The following CNTN1 variants were observed in gnomAD, a reference collection of about 807,000 sequenced individuals.
CNTN1 encodes the protein contactin-1.
In CNTN1, 38 loss-of-function variants were observed where a neutral mutation model predicts 126.4. The observed-to-expected ratio is 0.30, with a 90% CI of 0.23 to 0.39. The LOEUF is 0.39. Ranked by LOEUF, CNTN1 falls within the 10% of genes least tolerant of loss-of-function variation. The pLI is 1.00. For synonymous variants in CNTN1, 413 were observed against 422.6 expected, an observed-to-expected ratio of 0.98 and a Z score of 0.28; for missense variants, 1,009 against 1,248.4, an observed-to-expected ratio of 0.81 and a Z score of 2.89.
At chr12:40,779,360 C>T (rs1028810169) in intron 1 of CNTN1, among the ~76,000 whole-genome samples, 1 of 151,744 alleles carries the variant, frequency 6.6e-6, no homozygotes, top group Non-Finnish European at 1.5e-5. Context: ...CCTTACTCAC[C>T]TTTTTCCACT....
At chr12:40,981,713 C>T (rs953009324) in intron 16 of CNTN1, among the ~76,000 whole-genome samples, 6 of 152,048 alleles carry the variant, frequency 3.9e-5, no homozygotes, top group African/African-American at 1.4e-4. Flanking sequence ...TACAATATCA[C>T]ACATTAATAC....
At chr12:40,993,710 C>T (rs1948148324) in intron 17 of CNTN1, among the ~76,000 whole-genome samples, 1 of 152,042 alleles carries the variant, frequency 6.6e-6, no homozygotes, top group African/African-American at 2.4e-5. Context: ...AACTGAATGG[C>T]CAAGTCGGTG....
chr12:40,974,045 T>C (rs1182634031), intron 15 of CNTN1, among the ~76,000 whole-genome samples: 2 of 152,198 alleles, frequency 1.3e-5, no homozygotes, highest in Non-Finnish European at 2.9e-5. Context: ...TGAATGTTAC[T>C]ACATTTTTAA....
At chr12:40,894,207 C>T (rs186953597) in intron 1 of CNTN1, among the ~76,000 whole-genome samples, 1 of 152,172 alleles carries the variant, frequency 6.6e-6, no homozygotes, top group Non-Finnish European at 1.5e-5. Flanking sequence ...TATATAACAG[C>T]TTCTTCATTT....
chr12:40,834,702 A>G (rs1941981715), intron 1 of CNTN1, among the ~76,000 whole-genome samples: 1 of 152,214 alleles, frequency 6.6e-6, no homozygotes, highest in Non-Finnish European at 1.5e-5. Context: ...CGACAAGAAC[A>G]ATAGAAAACA....
chr12:40,852,190 A>G (rs1451788864), intron 1 of CNTN1, among the ~76,000 whole-genome samples: 1 of 152,204 alleles, frequency 6.6e-6, no homozygotes, highest in Admixed American at 6.5e-5. Context: ...AAGAAAAAGA[A>G]TAATAATAAT....
intron 1 of CNTN1, among the ~76,000 whole-genome samples, chr12:40,781,789 T>C (rs1939815981): frequency 6.6e-6 from 1 of 152,046 alleles, no homozygotes; most frequent in South Asian, 2.1e-4. Context: ...AATTGTTCTC[T>C]ATTATAGTCA....
At chr12:40,995,368 A>G (rs867581223) in intron 17 of CNTN1, among the ~76,000 whole-genome samples, 1 of 152,150 alleles carries the variant, frequency 6.6e-6, no homozygotes. Flanking sequence ...GAAGTTTGGC[A>G]AGTCCTAGTC....
chr12:40,910,491 T>G (rs1188179106), intron 3 of CNTN1, among the ~76,000 whole-genome samples: 1 of 152,212 alleles, frequency 6.6e-6, no homozygotes, highest in East Asian at 1.9e-4. Flanking sequence ...ATTGGAATCT[T>G]AAGATTCAGT....
At chr12:40,988,906 C>A (rs1160622405) in intron 16 of CNTN1, among the ~76,000 whole-genome samples, 2 of 152,134 alleles carry the variant, frequency 1.3e-5, no homozygotes, top group East Asian at 3.8e-4. Context: ...AACTGTATTG[C>A]CTGACTCAGA....
intron 1 of CNTN1, among the ~76,000 whole-genome samples, chr12:40,694,153 C>A (rs1941384447): frequency 1.3e-5 from 2 of 152,136 alleles, no homozygotes; most frequent in Non-Finnish European, 2.9e-5. Flanking sequence ...TTATGGCTAA[C>A]AGCATTTGGG....
chr12:40,713,398 G>C (rs969651276), intron 1 of CNTN1, among the ~76,000 whole-genome samples: 3 of 151,050 alleles, frequency 2.0e-5, no homozygotes, highest in African/African-American at 7.3e-5. Flanking sequence ...GTCATACTGA[G>C]GAGCATTTTA....
At chr12:41,056,942 TATA>T (rs1192105679) in intron 23 of CNTN1, among the ~76,000 whole-genome samples, 5 of 45,854 alleles carry the variant, frequency 1.1e-4, no homozygotes, top group South Asian at 5.7e-4. Context: ...TATAAATATT[TATA>T]ATATTTAGAT....
intron 23 of CNTN1, among the ~76,000 whole-genome samples, chr12:41,040,435 G>C (rs1949373268): frequency 6.6e-6 from 1 of 152,082 alleles, no homozygotes; most frequent in Non-Finnish European, 1.5e-5. Context: ...TATACATTTA[G>C]AGAAATTAGA....
chr12:40,844,803 A>T (rs1174506996), intron 1 of CNTN1, among the ~76,000 whole-genome samples: 1 of 152,202 alleles, frequency 6.6e-6, no homozygotes. Flanking sequence ...AATTGCAGTA[A>T]CGTTTTTCTT....
chr12:41,025,696 T>G (rs943276739), intron 21 of CNTN1, among the ~76,000 whole-genome samples: 1 of 152,190 alleles, frequency 6.6e-6, no homozygotes, highest in Admixed American at 6.5e-5. Context: ...CTGCTTATTT[T>G]TACATGCTTT....
chr12:40,765,321 C>T (rs1392274877), intron 1 of CNTN1, among the ~76,000 whole-genome samples: 1 of 152,088 alleles, frequency 6.6e-6, no homozygotes, highest in Non-Finnish European at 1.5e-5. Context: ...GTTTAGATGT[C>T]ATTTGACATA....
At chr12:41,067,548 A>G (rs1490349874) in intron 23 of CNTN1, among the ~76,000 whole-genome samples, 2 of 144,554 alleles carry the variant, frequency 1.4e-5, no homozygotes, top group South Asian at 4.6e-4. Context: ...ATTCTCACTC[A>G]TAGGTGGGAA....
chr12:41,030,095 T>C (rs557390933), intron 23 of CNTN1, among the ~76,000 whole-genome samples: 35 of 152,062 alleles, frequency 2.3e-4, no homozygotes, highest in Admixed American at 3.9e-4. Context: ...ATTTGGTTAA[T>C]CTGTACAACA....
Sources: gnomAD v4.1 joint callset for allele counts (sites outside exome capture counted in the v4.1 genomes callset) on GRCh38, gnomAD v4.1.1 for gene constraint, MANE v1.5 for transcripts, NCBI Gene and HGNC (gene_info 2026-07-23, HGNC 2026-07-21) for gene names.